The following RAD51B variants were observed in gnomAD, a reference collection of about 807,000 sequenced individuals.
RAD51B encodes RAD51 paralog B.
A neutral mutation model predicts 42.2 loss-of-function variants in RAD51B; 38 were observed. That is an observed-to-expected ratio of 0.90 (90% CI 0.70 to 1.18). The LOEUF (loss-of-function observed/expected upper bound fraction) is 1.18. RAD51B is among the 50% of genes most tolerant of loss of function. The pLI, the probability that RAD51B is intolerant of heterozygous loss-of-function variation, is 0.00. For synonymous variants in RAD51B, 154 were observed against 145.2 expected (o/e 1.06, Z -0.43); for missense variants, 373 against 400.7 (o/e 0.93, Z 0.59).
At chr14:68,501,404 C>T (rs535871786) in intron 10 of RAD51B, among the ~76,000 whole-genome samples, 5 of 152,342 alleles carry the variant, frequency 3.3e-5, no homozygotes, top group South Asian at 2.1e-4. Flanking sequence ...CAAAGGGCAA[C>T]GTGCAGCCTA....
chr14:68,291,909 C>G lies in RAD51B; in HGVS notation c.782C>G (p.Thr261Ser). 2 of 1,613,624 alleles carry G rather than the reference C, an allele frequency of 1.2e-6. No individual in the cohort carries two copies. The highest frequency in any genetic ancestry group is 1.1e-5 in the South Asian group (1 of 91,076). ...GTTATCTTGACGAATCAGATTACAA[C>G]CCATCTGAGTGGAGCCCTGGCTTCT... ...IPVILTNQIT[T>S]HLSGALASQA... The change falls in exon 8 of 11, where the codon ACC (threonine) becomes AGC (serine). Residue 261 changes from threonine (T) to serine (S), a missense_variant. Transcript: ENST00000471583.
intron 4 of RAD51B, among the ~76,000 whole-genome samples, chr14:67,856,724 C>T (rs183601045): frequency 7.2e-4 from 110 of 152,258 alleles, no homozygotes; most frequent in Non-Finnish European, 1.4e-3. Context: ...TTAAGATGAG[C>T]AGGCTTCATT....
At position 68,463,148 on chromosome 14, in the gene RAD51B, A is replaced by T. The variant is rs117564009; in HGVS notation, c.958-5024A>T. On this transcript the variant is annotated intron_variant, in intron 9 of 10. Coordinates refer to ENST00000471583, the MANE Select transcript of RAD51B (RefSeq NM_133510.4). ...GATGGATGAACATCTGAACCAGCACAGCCTAAATTACCTGCTGGGGGGTTG... is the reference window on the plus strand; with the variant it reads ...GATGGATGAACATCTGAACCAGCACTGCCTAAATTACCTGCTGGGGGGTTG... 9.8e-3 allele frequency among the ~76,000 whole-genome samples: 1,493 copies of T among 152,328 alleles called. 13 individuals carry two copies. The highest frequency in any genetic ancestry group is 0.017 in the Middle Eastern group (5 of 294).
chr14:68,257,603 G>A (rs1447705248), intron 7 of RAD51B, among the ~76,000 whole-genome samples: 2 of 152,098 alleles, frequency 1.3e-5, no homozygotes, highest in South Asian at 4.1e-4. Context: ...TTATTAAAAT[G>A]TGTATATATG....
At chr14:68,618,161 C>A (rs1269377386) in intron 10 of RAD51B, among the ~76,000 whole-genome samples, 1 of 152,210 alleles carries the variant, frequency 6.6e-6, no homozygotes, top group Non-Finnish European at 1.5e-5. Flanking sequence ...CAAATCTCAT[C>A]TGTGTTCCCA....
chr14:68,027,131 TG>T (rs931670490), intron 7 of RAD51B, among the ~76,000 whole-genome samples: 1 of 152,182 alleles, frequency 6.6e-6, no homozygotes. Context: ...AATTCTTGGT[TG>T]GAATTTCTTT....
downstream of RAD51B, among the ~76,000 whole-genome samples, chr14:68,600,552 G>A (rs1891177151): frequency 6.6e-6 from 1 of 152,066 alleles, no homozygotes; most frequent in Admixed American, 6.5e-5. Flanking sequence ...TTAGGTTAAC[G>A]GTCCCTACAT....
chr14:68,145,237 C>T (rs1457435882), intron 7 of RAD51B, among the ~76,000 whole-genome samples: 1 of 152,234 alleles, frequency 6.6e-6, no homozygotes, highest in African/African-American at 2.4e-5. Flanking sequence ...CATTATAACA[C>T]CTGTGCTCCA....
chr14:67,877,812 G>A lies in RAD51B; in HGVS notation c.453-8057G>A, dbSNP rs76564873. On this transcript the variant is annotated intron_variant, in intron 5 of 10. Coordinates refer to ENST00000471583, the MANE Select transcript of RAD51B (RefSeq NM_133510.4). The stretch of plus-strand genomic sequence containing the variant: ...CAAATAGCTGGGACTGTAGACGTGT[G>A]CTACCACGCCTGGCTAATTAAAAAA... 6.3e-4 allele frequency among the ~76,000 whole-genome samples: 96 copies of A among 152,248 alleles called. 2 individuals are homozygous for A. The East Asian group carries it at 0.014, about 22-fold the overall frequency.
chr14:67,879,613 A>G (rs947632496), intron 5 of RAD51B, among the ~76,000 whole-genome samples: 2 of 152,088 alleles, frequency 1.3e-5, no homozygotes, highest in African/African-American at 4.8e-5. Context: ...TGGACTTTAC[A>G]TGTATTTTTT....
chr14:68,208,100 C>G (rs1035050359), intron 7 of RAD51B, among the ~76,000 whole-genome samples: 1 of 138,398 alleles, frequency 7.2e-6, no homozygotes, highest in Non-Finnish European at 1.5e-5. Flanking sequence ...CATTTGGAAT[C>G]GATATACAGT....
chr14:68,498,932 C>T (rs989686631), intron 10 of RAD51B, among the ~76,000 whole-genome samples: 3 of 152,166 alleles, frequency 2.0e-5, no homozygotes, highest in African/African-American at 7.2e-5. Context: ...TTTCCTATGA[C>T]ACATGGATCT....
chr14:68,263,689 G>A (rs1322217768), intron 7 of RAD51B, among the ~76,000 whole-genome samples: 4 of 151,998 alleles, frequency 2.6e-5, no homozygotes, highest in African/African-American at 9.7e-5. Context: ...CTTTCAATTC[G>A]GAAACTTGAG....
intron 7 of RAD51B, among the ~76,000 whole-genome samples, chr14:67,993,409 T>C (rs2075329155): frequency 6.6e-6 from 1 of 152,174 alleles, no homozygotes; most frequent in Admixed American, 6.5e-5. Context: ...ATTATTTTAA[T>C]TTTTAGCTCC....
chr14:68,096,033 GC>G (rs1347523613), intron 7 of RAD51B, among the ~76,000 whole-genome samples: 1 of 151,108 alleles, frequency 6.6e-6, no homozygotes, highest in Non-Finnish European at 1.5e-5. Context: ...TTTTTCGAGG[GC>G]CATAGAGTAA....
chr14:68,169,881 CA>C (rs1566701257), intron 7 of RAD51B, among the ~76,000 whole-genome samples: 1 of 152,172 alleles, frequency 6.6e-6, no homozygotes, highest in Non-Finnish European at 1.5e-5. Context: ...GCACTTACAG[CA>C]AAGACTTTTC....
chr14:67,917,192 T>C (rs1368626459), intron 7 of RAD51B, among the ~76,000 whole-genome samples: 2 of 152,234 alleles, frequency 1.3e-5, no homozygotes, highest in Admixed American at 1.3e-4. Flanking sequence ...TAGGCTGTTC[T>C]TGCGTTGCTA....
chr14:68,096,725 T>A (rs1304034915), intron 7 of RAD51B, among the ~76,000 whole-genome samples: 2 of 152,236 alleles, frequency 1.3e-5, no homozygotes, highest in Admixed American at 1.3e-4. Flanking sequence ...TTGATTGTAT[T>A]TTCCTCTTTA....
chr14:68,090,752 C>G (rs920117729), intron 7 of RAD51B, among the ~76,000 whole-genome samples: 8 of 150,828 alleles, frequency 5.3e-5, no homozygotes, highest in African/African-American at 2.0e-4. Flanking sequence ...GCACAACGTG[C>G]AGGTTTGTTA....
Sources: allele counts gnomAD v4.1 joint callset (sites outside exome capture counted in the v4.1 genomes callset), GRCh38; gene constraint gnomAD v4.1.1; transcripts MANE v1.5; gene names NCBI Gene and HGNC (gene_info 2026-07-23, HGNC 2026-07-21).